CAMK2D: variants seen among roughly 807,000 people sequenced by gnomAD.
CAMK2D encodes the protein calcium/calmodulin dependent protein kinase II delta.
CAMK2D carries 37 observed loss-of-function variants against 84.0 expected under a neutral mutation model. The ratio of observed to expected loss-of-function variants is 0.44; its 90% CI spans 0.34 to 0.58. The LOEUF (loss-of-function observed/expected upper bound fraction) is 0.58. Ranked by LOEUF, CAMK2D falls within the 20% of genes least tolerant of loss-of-function variation. The pLI is 0.02. For missense variants in CAMK2D, 448 were observed against 652.5 expected (o/e 0.69, Z 3.41); for synonymous variants, 202 against 212.5 (o/e 0.95, Z 0.43).
At chr4:113,696,228 A>G (rs986113007) in intron 2 of CAMK2D, among the ~76,000 whole-genome samples, 1 of 150,182 alleles carries the variant, frequency 6.7e-6, no homozygotes, top group Non-Finnish European at 1.5e-5. Context: ...ACACACACAC[A>G]CACATACACA....
intron 8 of CAMK2D, among the ~76,000 whole-genome samples, chr4:113,518,194 AGTCT>A (rs1305286908): frequency 6.6e-6 from 1 of 152,152 alleles, no homozygotes; most frequent in Non-Finnish European, 1.5e-5. Context: ...CAGTAATCTT[AGTCT>A]TCAAATACTT....
intron 4 of CAMK2D, among the ~76,000 whole-genome samples, chr4:113,589,495 T>C (rs2098850057): frequency 6.6e-6 from 1 of 152,168 alleles, no homozygotes; most frequent in African/African-American, 2.4e-5. Flanking sequence ...AGTTTCTGAA[T>C]GTATTTTGAA....
intron 3 of CAMK2D, among the ~76,000 whole-genome samples, chr4:113,630,371 A>C (rs2099084607): frequency 6.6e-6 from 1 of 152,174 alleles, no homozygotes; most frequent in African/African-American, 2.4e-5. Flanking sequence ...GCGGTCTTTG[A>C]GAAAAATCAC....
At chr4:113,544,721 T>G (rs2098554740) in intron 6 of CAMK2D, among the ~76,000 whole-genome samples, 1 of 152,188 alleles carries the variant, frequency 6.6e-6, no homozygotes, top group South Asian at 2.1e-4. Context: ...GTCCTATCCC[T>G]GAACTGTACT....
At chr4:113,521,547 T>C (rs899202967) in intron 8 of CAMK2D, among the ~76,000 whole-genome samples, 2 of 152,140 alleles carry the variant, frequency 1.3e-5, no homozygotes, top group Admixed American at 6.5e-5. Context: ...TGTGCTGTCT[T>C]GGAGCTACAG....
intron 3 of CAMK2D, among the ~76,000 whole-genome samples, chr4:113,657,777 GAGAA>G (rs2099208668): frequency 6.6e-6 from 1 of 152,128 alleles, no homozygotes; most frequent in Non-Finnish European, 1.5e-5. Context: ...TCTGTGCCAA[GAGAA>G]AGACACATTC....
At chr4:113,601,462 C>T (rs747373987) in intron 4 of CAMK2D, among the ~76,000 whole-genome samples, 57 of 151,482 alleles carry the variant, frequency 3.8e-4, no homozygotes, top group Non-Finnish European at 6.8e-4. Flanking sequence ...TGTTAGTATA[C>T]GTACTGGAAA....
intron 3 of CAMK2D, among the ~76,000 whole-genome samples, chr4:113,632,954 T>C (rs1310177952): frequency 2.6e-5 from 4 of 152,230 alleles, no homozygotes; most frequent in East Asian, 1.9e-4. Flanking sequence ...GTCAGCCTTA[T>C]GGTTTTCAAA....
intron 3 of CAMK2D, among the ~76,000 whole-genome samples, chr4:113,661,325 A>G (rs1159200868): frequency 6.6e-6 from 1 of 152,202 alleles, no homozygotes; most frequent in Non-Finnish European, 1.5e-5. Flanking sequence ...ACTCATTAAC[A>G]TAGCAGACTC....
At chr4:113,531,695 A>G (rs1364303339) in intron 7 of CAMK2D, among the ~76,000 whole-genome samples, 1 of 152,186 alleles carries the variant, frequency 6.6e-6, no homozygotes, top group Non-Finnish European at 1.5e-5. Context: ...TATATCACAG[A>G]GCTCACTGTG....
chr4:113,471,568 C>A (rs183854417), intron 16 of CAMK2D, among the ~76,000 whole-genome samples: 7 of 152,248 alleles, frequency 4.6e-5, no homozygotes, highest in South Asian at 2.1e-4. Flanking sequence ...AAACTGGAAG[C>A]CTTGCTATCT....
chr4:113,593,564 G>C (rs1435270480), intron 4 of CAMK2D, among the ~76,000 whole-genome samples: 1 of 152,146 alleles, frequency 6.6e-6, no homozygotes, highest in African/African-American at 2.4e-5. Context: ...TTGTATCAGA[G>C]CTTCACAGTG....
intron 6 of CAMK2D, among the ~76,000 whole-genome samples, chr4:113,537,755 G>A (rs979498945): frequency 6.6e-6 from 1 of 152,164 alleles, no homozygotes; most frequent in Admixed American, 6.5e-5. Context: ...GGACTGCTCA[G>A]GATTCAGACT....
chr4:113,581,524 A>AG (rs1561129200), intron 4 of CAMK2D, among the ~76,000 whole-genome samples: 15 of 124,158 alleles, frequency 1.2e-4, no homozygotes, highest in Non-Finnish European at 2.5e-4. Flanking sequence ...AAAAAAAAAA[A>AG]AAAAAAAAAG....
intron 4 of CAMK2D, among the ~76,000 whole-genome samples, chr4:113,577,328 A>G (rs2098788052): frequency 1.3e-5 from 2 of 152,252 alleles, no homozygotes; most frequent in South Asian, 4.1e-4. Context: ...TCATTTTGTA[A>G]AAGTTCTCTT....
intron 16 of CAMK2D, among the ~76,000 whole-genome samples, chr4:113,493,541 G>A (rs2097877250): frequency 6.6e-6 from 1 of 152,028 alleles, no homozygotes; most frequent in Admixed American, 6.5e-5. Flanking sequence ...TCCCTTTGAG[G>A]GTGACCCGAC....
chr4:113,539,828 A>G (rs1315427694), intron 6 of CAMK2D, among the ~76,000 whole-genome samples: 1 of 152,196 alleles, frequency 6.6e-6, no homozygotes, highest in Non-Finnish European at 1.5e-5. Context: ...AGGCAAACCT[A>G]AAATACAGAA....
At chr4:113,678,815 T>C (rs1175338452) in intron 2 of CAMK2D, among the ~76,000 whole-genome samples, 1 of 152,222 alleles carries the variant, frequency 6.6e-6, no homozygotes, top group East Asian at 1.9e-4. Flanking sequence ...AATATTTAAG[T>C]ATAAAATACA....
chr4:113,639,988 T>C (rs1377350315), intron 3 of CAMK2D, among the ~76,000 whole-genome samples: 1 of 151,994 alleles, frequency 6.6e-6, no homozygotes, highest in African/African-American at 2.4e-5. Context: ...AGGGGATAGA[T>C]TTAAAAGCCA....
Sources: gnomAD v4.1 joint callset for allele counts (sites outside exome capture counted in the v4.1 genomes callset) on GRCh38, gnomAD v4.1.1 for gene constraint, MANE v1.5 for transcripts, NCBI Gene and HGNC (gene_info 2026-07-23, HGNC 2026-07-21) for gene names.